Variants in RBFOX1 observed in about 807,000 individuals in gnomAD.
The protein encoded by RBFOX1 is RNA binding fox-1 homolog 1.
In RBFOX1, 8 loss-of-function variants were observed where a neutral mutation model predicts 57.7. The observed-to-expected ratio is 0.14, with a 90% CI of 0.08 to 0.25. The LOEUF (loss-of-function observed/expected upper bound fraction) is 0.25, where lower values mean the gene tolerates loss of function less well. Ranked by LOEUF, RBFOX1 falls within the 10% of genes least tolerant of loss-of-function variation. RBFOX1 has a pLI of 1.00. For synonymous variants in RBFOX1, 326 were observed against 222.4 expected (o/e 1.47, Z -4.15); for missense variants, 611 against 548.5 (o/e 1.11, Z -1.14).
At chr16:6,408,017 G>A (rs1245743549) in intron 2 of RBFOX1, among the ~76,000 whole-genome samples, 2 of 152,112 alleles carry the variant, frequency 1.3e-5, no homozygotes, top group East Asian at 3.9e-4. Flanking sequence ...TTTTATCAAA[G>A]AGGCCAGAGG....
chr16:6,632,883 T>C (rs575547510), intron 2 of RBFOX1, among the ~76,000 whole-genome samples: 2 of 152,196 alleles, frequency 1.3e-5, no homozygotes, highest in Admixed American at 1.3e-4. Flanking sequence ...ATGGGACCAT[T>C]TGAGCTCTCA....
At chr16:7,122,863 A>G (rs182302302) in intron 4 of RBFOX1, among the ~76,000 whole-genome samples, 9 of 152,328 alleles carry the variant, frequency 5.9e-5, no homozygotes, top group African/African-American at 1.9e-4. Context: ...ATACTACTGA[A>G]CAATAAAAAG....
chr16:5,429,526 G>T (rs2151508712), intron 1 of RBFOX1, among the ~76,000 whole-genome samples: 1 of 152,306 alleles, frequency 6.6e-6, no homozygotes, highest in South Asian at 2.1e-4. Flanking sequence ...GGGACCCAAA[G>T]CACAGCCAAG....
chr16:5,242,387 C>T (rs148253658), intron 1 of RBFOX1, among the ~76,000 whole-genome samples: 7 of 152,170 alleles, frequency 4.6e-5, no homozygotes, highest in African/African-American at 1.7e-4. Flanking sequence ...GTCCGGCGGC[C>T]CCTCGAAAAG....
At chr16:5,558,442 G>A (rs1351545352) in intron 2 of RBFOX1, among the ~76,000 whole-genome samples, 1 of 152,028 alleles carries the variant, frequency 6.6e-6, no homozygotes, top group Non-Finnish European at 1.5e-5. Context: ...GAAGGAGCGA[G>A]CCACAGCCCT....
At chr16:5,521,840 C>T (rs867439207) in intron 2 of RBFOX1, among the ~76,000 whole-genome samples, 2 of 152,216 alleles carry the variant, frequency 1.3e-5, no homozygotes, top group Non-Finnish European at 2.9e-5. Flanking sequence ...CATGTTATTC[C>T]TCTTCATATC....
At chr16:6,339,176 G>C (rs546947341) in intron 2 of RBFOX1, among the ~76,000 whole-genome samples, 3 of 152,212 alleles carry the variant, frequency 2.0e-5, no homozygotes, top group African/African-American at 7.2e-5. Flanking sequence ...GCTGAGGAAG[G>C]CCAAGTTGAC....
intron 4 of RBFOX1, among the ~76,000 whole-genome samples, chr16:7,515,830 C>T (rs1186399546): frequency 1.3e-5 from 2 of 151,628 alleles, no homozygotes; most frequent in African/African-American, 2.4e-5. Context: ...CTTCAAGTGG[C>T]AGTTCGTTGT....
At chr16:5,574,044 G>A (rs2046374094) in intron 2 of RBFOX1, among the ~76,000 whole-genome samples, 2 of 152,226 alleles carry the variant, frequency 1.3e-5, no homozygotes, top group Admixed American at 1.3e-4. Flanking sequence ...TGCCCCCGAT[G>A]CCATTCTTCT....
At chr16:6,532,409 T>G (rs2096671067) in intron 2 of RBFOX1, among the ~76,000 whole-genome samples, 1 of 152,164 alleles carries the variant, frequency 6.6e-6, no homozygotes, top group African/African-American at 2.4e-5. Context: ...CACTCCAGGG[T>G]GGCCCTCAGA....
chr16:6,570,697 C>A lies in RBFOX1; in HGVS notation c.-63-83906C>A, dbSNP rs17140623. 9.9e-4 allele frequency among the ~76,000 whole-genome samples: 150 copies of A among 152,228 alleles called. 1 individual carries two copies. In the East Asian group the frequency reaches 0.024, roughly 25 times the overall value. On this transcript the variant is annotated intron_variant, in intron 2 of 15. Transcript: ENST00000550418. ...TCATATGTAGATGATTTTGCAGTAT[C>A]CGCCAACTTCCTACTCAGGAAAAGT...
At chr16:5,748,201 A>T (rs1184163183) in intron 3 of RBFOX1, among the ~76,000 whole-genome samples, 1 of 152,016 alleles carries the variant, frequency 6.6e-6, no homozygotes, top group Non-Finnish European at 1.5e-5. Context: ...GAGTTTCTTA[A>T]TCCTGAGTTC....
At chr16:7,405,361 C>G (rs1222495915) in intron 4 of RBFOX1, among the ~76,000 whole-genome samples, 2 of 152,194 alleles carry the variant, frequency 1.3e-5, no homozygotes, top group African/African-American at 2.4e-5. Context: ...GCAGATGCAG[C>G]AGTTCACTCC....
chr16:7,541,728 C>A (rs1464956767), intron 5 of RBFOX1, among the ~76,000 whole-genome samples: 1 of 152,204 alleles, frequency 6.6e-6, no homozygotes, highest in Non-Finnish European at 1.5e-5. Flanking sequence ...TGCAAGCAGC[C>A]ATGCTTTCCT....
intron 3 of RBFOX1, among the ~76,000 whole-genome samples, chr16:5,724,918 G>GA (rs2052082252): frequency 6.6e-6 from 1 of 152,206 alleles, no homozygotes; most frequent in Non-Finnish European, 1.5e-5. Context: ...GCCACGTAGT[G>GA]AAATCAGCGT....
At chr16:6,450,811 A>ATATATATATATATATG (rs1567303343) in intron 2 of RBFOX1, among the ~76,000 whole-genome samples, 1 of 24,120 alleles carries the variant, frequency 4.1e-5, no homozygotes, top group Non-Finnish European at 6.4e-5. Context: ...GTATATATAT[A>ATATATATATATATATG]TATATACATA....
chr16:7,429,681 C>G (rs149617235), intron 4 of RBFOX1, among the ~76,000 whole-genome samples: 1 of 152,124 alleles, frequency 6.6e-6, no homozygotes, highest in Non-Finnish European at 1.5e-5. Context: ...TGGGACATGG[C>G]AAAGGTAGAT....
rs548792159 is a variant in RBFOX1 at position 7,208,545 on chromosome 16, C to G, written c.27+156447C>G. ...GGAGGAGCCAGGCTCTTTTTCACAA[C>G]CTGTTCTCTGCTGGGTGCAGTGGCT... On this transcript the variant is annotated intron_variant, in intron 4 of 15. Coordinates refer to ENST00000550418, the MANE Select transcript of RBFOX1 (RefSeq NM_018723.4). Among the ~76,000 whole-genome samples, 5 of 152,208 alleles carry G rather than the reference C, an allele frequency of 3.3e-5. No homozygotes were observed. In the East Asian group the frequency reaches 9.7e-4, roughly 30 times the overall value.
intron 3 of RBFOX1, among the ~76,000 whole-genome samples, chr16:6,863,720 C>T (rs1201924012): frequency 1.6e-5 from 1 of 62,702 alleles, no homozygotes; most frequent in African/African-American, 6.4e-5. Flanking sequence ...AATTGGATGC[C>T]TGCGCTTTTT....
Sources: allele counts gnomAD v4.1 joint callset (sites outside exome capture counted in the v4.1 genomes callset), GRCh38; gene constraint gnomAD v4.1.1; transcripts MANE v1.5; gene names NCBI Gene and HGNC (gene_info 2026-07-23, HGNC 2026-07-21).